The following FILIP1 variants were observed in gnomAD, a reference collection of about 807,000 sequenced individuals.
FILIP1 encodes the protein filamin A interacting protein 1.
FILIP1 carries 61 observed loss-of-function variants against 102.1 expected under a neutral mutation model. The ratio of observed to expected loss-of-function variants is 0.60; its 90% CI spans 0.49 to 0.74. The LOEUF (loss-of-function observed/expected upper bound fraction) is 0.74. Ranked by LOEUF, FILIP1 falls within the 30% of genes least tolerant of loss-of-function variation. The pLI is 0.00. For missense variants in FILIP1, 1,314 were observed against 1,441.2 expected (o/e 0.91, Z 1.43); for synonymous variants, 491 against 526.9 (o/e 0.93, Z 0.93).
At chr6:75,471,402 A>G (rs1227102100) in intron 1 of FILIP1, among the ~76,000 whole-genome samples, 1 of 152,174 alleles carries the variant, frequency 6.6e-6, no homozygotes. Context: ...ACTAATAAAA[A>G]TAATCAAGAT....
At chr6:75,373,576 G>GCACTGTAGGAAGCTGAGGCTGGTGGAT (rs1775647162) in intron 2 of FILIP1, among the ~76,000 whole-genome samples, 1 of 150,932 alleles carries the variant, frequency 6.6e-6, no homozygotes, top group African/African-American at 2.5e-5. Flanking sequence ...AAGTGCTAGG[G>GCACTGTAGGAAGCTGAGGCTGGTGGAT]TTACAGGCGT....
intron 3 of FILIP1, among the ~76,000 whole-genome samples, chr6:75,355,339 C>T (rs956760871): frequency 1.2e-4 from 18 of 151,710 alleles, no homozygotes; most frequent in African/African-American, 1.9e-4. Context: ...ATAAAAAATC[C>T]GGAAATATTA....
Position 75,314,696 on chromosome 6 carries a change from T to C in FILIP1, c.1136A>G (p.Glu379Gly), listed in dbSNP as rs745729808. Residue 379 changes from glutamate (E) to glycine (G), a missense_variant, in exon 5 of 6, where the codon GAA becomes GGA. Glu to Gly is a moderately conservative substitution (Grantham distance 98). Around this residue, in one of 3 missense-constraint regions of FILIP1, gnomAD observed 494 missense variants for 511.2 expected, o/e 0.97. Transcript: ENST00000237172. ...CACACGCTTTCGAAGATTTTCCACT[T>C]CTGCCATGAGGCTAGAGTTTCCACA... The part of the protein sequence containing the change: ...GECGNSSLMA[E>G]VENLRKRVLE... 1 of 1,614,046 alleles carries C rather than the reference T, an allele frequency of 6.2e-7. No individual in the cohort carries two copies. Among genetic ancestry groups the C allele is most frequent in the South Asian group, 1.1e-5 (1 of 91,018 alleles).
At chr6:75,414,148 C>G (rs571954763) in intron 2 of FILIP1, among the ~76,000 whole-genome samples, 2 of 150,606 alleles carry the variant, frequency 1.3e-5, no homozygotes, top group South Asian at 4.3e-4. Flanking sequence ...ATGCAATGCT[C>G]TGCTTATTTG....
chr6:75,318,848 G>C (rs9689477), intron 4 of FILIP1, among the ~76,000 whole-genome samples: 101,717 of 151,784 alleles, frequency 0.67, 34,215 homozygotes, highest in Middle Eastern at 0.76. Flanking sequence ...AATACTACCA[G>C]GACAGGACTA....
At chr6:75,309,401 G>C (rs1773104950) in intron 5 of FILIP1, among the ~76,000 whole-genome samples, 1 of 152,116 alleles carries the variant, frequency 6.6e-6, no homozygotes, top group African/African-American at 2.4e-5. Flanking sequence ...TCTTAGGACA[G>C]ACTCATCAAT....
At chr6:75,335,576 A>C (rs1245396925) in intron 4 of FILIP1, among the ~76,000 whole-genome samples, 1 of 151,994 alleles carries the variant, frequency 6.6e-6, no homozygotes, top group Non-Finnish European at 1.5e-5. Flanking sequence ...AAATCTAGTC[A>C]AAAAGCCATT....
intron 2 of FILIP1, among the ~76,000 whole-genome samples, chr6:75,395,932 T>C: frequency 6.6e-6 from 1 of 152,072 alleles, no homozygotes; most frequent in East Asian, 1.9e-4. Flanking sequence ...TTGCCTTCTT[T>C]ACCTAATGAC....
chr6:75,319,233 A>G (rs770891538), intron 4 of FILIP1: 24 of 734,308 alleles, frequency 3.3e-5, no homozygotes, highest in Non-Finnish European at 5.0e-5. Flanking sequence ...CCTTCTTTTC[A>G]TAAGGCTGCT....
chr6:75,463,071 T>C (rs988205654), intron 1 of FILIP1, among the ~76,000 whole-genome samples: 3 of 152,204 alleles, frequency 2.0e-5, no homozygotes, highest in Non-Finnish European at 4.4e-5. Context: ...ATGATACACT[T>C]GGCTCTTGGT....
At chr6:75,474,468 G>A (rs546106334) in intron 1 of FILIP1, among the ~76,000 whole-genome samples, 1 of 152,298 alleles carries the variant, frequency 6.6e-6, no homozygotes, top group South Asian at 2.1e-4. Flanking sequence ...TAACTAGTAA[G>A]TAGCCATATG....
intron 2 of FILIP1, among the ~76,000 whole-genome samples, chr6:75,379,598 G>T (rs750027683): frequency 6.6e-6 from 1 of 152,184 alleles, no homozygotes; most frequent in Non-Finnish European, 1.5e-5. Context: ...GGACCCAAGT[G>T]TTGGAGAGGC....
intron 4 of FILIP1, among the ~76,000 whole-genome samples, chr6:75,315,729 A>G (rs964565145): frequency 3.9e-5 from 6 of 152,250 alleles, no homozygotes; most frequent in African/African-American, 1.4e-4. Flanking sequence ...CAGATCCCAG[A>G]GTCAGTAAGT....
At chr6:75,327,721 CTTTG>C (rs1333127091) in intron 4 of FILIP1, among the ~76,000 whole-genome samples, 1 of 151,534 alleles carries the variant, frequency 6.6e-6, no homozygotes, top group African/African-American at 2.4e-5. Flanking sequence ...TAATTTAAAA[CTTTG>C]TTTTTCCTTA....
At chr6:75,434,038 A>G (rs529529279) in intron 1 of FILIP1, among the ~76,000 whole-genome samples, 40 of 152,138 alleles carry the variant, frequency 2.6e-4, no homozygotes, top group Non-Finnish European at 4.4e-4. Flanking sequence ...GTTCTGTTCC[A>G]TTGGTCTCTA....
chr6:75,302,823 C>CATGATA (rs1772875248), intron 6 of FILIP1, among the ~76,000 whole-genome samples: 1 of 149,100 alleles, frequency 6.7e-6, no homozygotes, highest in African/African-American at 2.5e-5. Flanking sequence ...TATGATATGA[C>CATGATA]ATGATATGAT....
intron 1 of FILIP1, among the ~76,000 whole-genome samples, chr6:75,470,972 G>T (rs972915756): frequency 6.6e-6 from 1 of 151,806 alleles, no homozygotes; most frequent in Non-Finnish European, 1.5e-5. Flanking sequence ...ACCAGCCTAG[G>T]CCACATGGCA....
At chr6:75,390,337 G>A (rs1776244321) in intron 2 of FILIP1, among the ~76,000 whole-genome samples, 1 of 152,092 alleles carries the variant, frequency 6.6e-6, no homozygotes, top group Non-Finnish European at 1.5e-5. Context: ...TATCCTTTCT[G>A]TTAATAGCTG....
chr6:75,433,996 T>C lies in FILIP1; in HGVS notation c.-6-19018A>G, dbSNP rs1777923975. Among the ~76,000 whole-genome samples, 3 of 152,170 alleles carry C rather than the reference T, an allele frequency of 2.0e-5. 1 individual carries two copies. In the South Asian group the frequency reaches 6.2e-4, roughly 31 times the overall value. On this transcript the variant is annotated intron_variant, in intron 1 of 5. Transcript: ENST00000237172. ...TCAGGTTTGTCAAAGATCAGATGGT[T>C]GTAGATGTGTGGTATTATTTCTGAG...
Sources: gnomAD v4.1 joint callset for allele counts (sites outside exome capture counted in the v4.1 genomes callset) on GRCh38, gnomAD v4.1.1 for gene constraint, gnomAD v4.1.1 regional missense constraint, MANE v1.5 for transcripts, NCBI Gene and HGNC (gene_info 2026-07-23, HGNC 2026-07-21) for gene names.